Variants in SDK1 observed in about 807,000 individuals in gnomAD.
The protein encoded by SDK1 is sidekick cell adhesion molecule 1.
Under a neutral mutation model 245.5 loss-of-function variants are expected in SDK1, and 157 were observed. That is an observed-to-expected ratio of 0.64 (90% CI 0.56 to 0.73). SDK1 has a LOEUF of 0.73. Among genes scored for constraint, SDK1 ranks in the 30% least tolerant of loss-of-function variants. The pLI, the probability that SDK1 is intolerant of heterozygous loss-of-function variation, is 0.00. For synonymous variants in SDK1, 1,647 were observed against 1,278.5 expected, an observed-to-expected ratio of 1.29 and a Z score of -6.15; for missense variants, 3,583 against 3,002.3, an observed-to-expected ratio of 1.19 and a Z score of -4.52.
chr7:3,564,078 A>G (rs755912043), intron 1 of SDK1, among the ~76,000 whole-genome samples: 2 of 152,120 alleles, frequency 1.3e-5, no homozygotes, highest in Non-Finnish European at 2.9e-5. Context: ...TTAAATAAAC[A>G]TAGTTTATTA....
At chr7:4,183,204 G>C (rs1156969811) in intron 35 of SDK1, among the ~76,000 whole-genome samples, 3 of 152,184 alleles carry the variant, frequency 2.0e-5, no homozygotes, top group Non-Finnish European at 4.4e-5. Flanking sequence ...TCCATTTTCA[G>C]AATGCAAAAG....
Position 4,267,931 on chromosome 7 carries a change from A to G in SDK1, c.*2547A>G. Reference sequence around the variant, plus strand: ...GGAACAGAGCTGGATGTTTCCAGGTAGATTTTGGCCTCCCAGAGCAATGCG... The same window carrying G: ...GGAACAGAGCTGGATGTTTCCAGGTGGATTTTGGCCTCCCAGAGCAATGCG... On this transcript the variant is annotated 3_prime_UTR_variant, in exon 45 of 45. Transcript: ENST00000404826. The G allele has an allele frequency of 1.0e-6, 1 of 985,536 alleles. No individual in the cohort carries two copies. Among genetic ancestry groups the G allele is most frequent in the Non-Finnish European group, 1.2e-6 (1 of 830,002 alleles). 61.0% of individuals were successfully genotyped at this position (985,536 alleles called of 1,614,324 possible).
At chr7:3,966,574 C>G (rs1782100848) in intron 9 of SDK1, among the ~76,000 whole-genome samples, 1 of 152,096 alleles carries the variant, frequency 6.6e-6, no homozygotes, top group African/African-American at 2.4e-5. Flanking sequence ...AGAAATGTAT[C>G]TTTATGGAGG....
chr7:3,920,046 G>T (rs901861701), intron 5 of SDK1, among the ~76,000 whole-genome samples: 5 of 152,202 alleles, frequency 3.3e-5, no homozygotes, highest in South Asian at 2.1e-4. Context: ...TCAGAGGACT[G>T]GGGGAGAGGG....
chr7:3,859,866 G>A (rs995765554), intron 5 of SDK1, among the ~76,000 whole-genome samples: 2 of 152,196 alleles, frequency 1.3e-5, no homozygotes, highest in East Asian at 1.9e-4. Flanking sequence ...ATAATGACGT[G>A]TGGGGAAGAT....
intron 2 of SDK1, among the ~76,000 whole-genome samples, chr7:3,624,131 G>A (rs1204532420): frequency 6.6e-6 from 1 of 152,212 alleles, no homozygotes; most frequent in African/African-American, 2.4e-5. Context: ...AAAAATTACA[G>A]TTCCTTTGAA....
chr7:3,977,494 T>C (rs561383537), intron 13 of SDK1, among the ~76,000 whole-genome samples: 2 of 152,366 alleles, frequency 1.3e-5, no homozygotes, highest in African/African-American at 2.4e-5. Context: ...CCTTCAGGCA[T>C]TGGAGCCTAC....
intron 43 of SDK1, among the ~76,000 whole-genome samples, chr7:4,245,068 A>G (rs1437762763): frequency 6.6e-6 from 1 of 152,124 alleles, no homozygotes; most frequent in Non-Finnish European, 1.5e-5. Flanking sequence ...TCAGTCTGCC[A>G]TGTTCCACTG....
At position 3,814,532 on chromosome 7, in the gene SDK1, G is replaced by A. The variant is rs61344209; in HGVS notation, c.714-6918G>A. Among the ~76,000 whole-genome samples the A allele has an allele frequency of 6.9e-3, 1,054 of 151,932 alleles. 10 individuals are homozygous for A. The highest frequency in any genetic ancestry group is 0.024 in the African/African-American group (987 of 41,328). ...TTACTGTAGCCTTGTAGTATAGTTTGAAGTCAGGTAGTGTGATGCCTCCAG... is the reference window on the plus strand; with the variant it reads ...TTACTGTAGCCTTGTAGTATAGTTTAAAGTCAGGTAGTGTGATGCCTCCAG... On this transcript the variant is annotated intron_variant, in intron 4 of 44. Coordinates refer to ENST00000404826, the MANE Select transcript of SDK1 (RefSeq NM_152744.4).
At chr7:3,563,983 A>G (rs778662225) in intron 1 of SDK1, among the ~76,000 whole-genome samples, 1 of 152,162 alleles carries the variant, frequency 6.6e-6, no homozygotes, top group Non-Finnish European at 1.5e-5. Flanking sequence ...AAATTATGAT[A>G]TATTTAGAAC....
At chr7:3,673,200 A>C (rs1339709865) in intron 4 of SDK1, among the ~76,000 whole-genome samples, 1 of 152,194 alleles carries the variant, frequency 6.6e-6, no homozygotes, top group Non-Finnish European at 1.5e-5. Flanking sequence ...CTCATCCTAC[A>C]GACAGGATAT....
Position 3,719,201 on chromosome 7 carries a change from C to G in SDK1, c.713+77096C>G, listed in dbSNP as rs73302292. ...CTGAGAAATGGAAGAAATCAAAGAC[C>G]TAAAAAATCAGAGAGACTTTGGGGA... On this transcript the variant is annotated intron_variant, in intron 4 of 44. Coordinates refer to ENST00000404826, the MANE Select transcript of SDK1 (RefSeq NM_152744.4). Among the ~76,000 whole-genome samples the G allele has an allele frequency of 7.7e-3, 1,151 of 148,818 alleles. 14 individuals carry two copies. The highest frequency in any genetic ancestry group is 0.026 in the African/African-American group (1,073 of 40,648).
chr7:4,068,013 A>C (rs1216626052), intron 20 of SDK1, 77 bp downstream of exon 20: 3 of 1,004,552 alleles, frequency 3.0e-6, no homozygotes, highest in South Asian at 1.4e-5. Flanking sequence ...CTTCAAACCA[A>C]ACTGCTGACA....
Position 3,582,289 on chromosome 7 carries a change from T to C in SDK1, c.299-36791T>C, listed in dbSNP as rs948387724. ...GGTAGGTCTCCCTCAGGTAGGTCTG[T>C]CTCAGGTAGGTCTCCCTCAGGTAGG... On this transcript the variant is annotated intron_variant, in intron 1 of 44. Transcript: ENST00000404826. 2.5e-3 allele frequency among the ~76,000 whole-genome samples: 346 copies of C among 141,220 alleles called. 1 individual carries two copies. The highest frequency in any genetic ancestry group is 6.8e-3 in the South Asian group (29 of 4,248). 92.6% of individuals were successfully genotyped at this position (141,220 alleles called of 152,430 possible). A position where few individuals can be genotyped will look rare whatever the true frequency, so the allele number is the denominator to read the frequency against.
chr7:3,588,567 G>C (rs1245334280), intron 1 of SDK1, among the ~76,000 whole-genome samples: 2 of 152,274 alleles, frequency 1.3e-5, no homozygotes, highest in East Asian at 1.9e-4. Context: ...TGCGTTCCTA[G>C]ATTCATTGTT....
chr7:3,573,954 T>C (rs1311383389), intron 1 of SDK1, among the ~76,000 whole-genome samples: 1 of 152,102 alleles, frequency 6.6e-6, no homozygotes, highest in Non-Finnish European at 1.5e-5. Flanking sequence ...ATTTACTGAA[T>C]GCTTACTAAA....
intron 5 of SDK1, among the ~76,000 whole-genome samples, chr7:3,919,682 T>G (rs978618104): frequency 6.6e-6 from 1 of 152,192 alleles, no homozygotes; most frequent in African/African-American, 2.4e-5. Flanking sequence ...ACTGACTCCA[T>G]GTTGCTCTAC....
intron 20 of SDK1, among the ~76,000 whole-genome samples, chr7:4,069,613 C>T (rs1353967178): frequency 6.6e-6 from 1 of 152,240 alleles, no homozygotes; most frequent in Non-Finnish European, 1.5e-5. Context: ...CTTATGCTCT[C>T]TGGGTGTGTC....
At chr7:3,624,882 C>G (rs1290126649) in intron 2 of SDK1, among the ~76,000 whole-genome samples, 1 of 151,880 alleles carries the variant, frequency 6.6e-6, no homozygotes, top group Non-Finnish European at 1.5e-5. Flanking sequence ...CCCATCTCTA[C>G]TAAAAATACA....
Sources: gnomAD v4.1 joint callset for allele counts (sites outside exome capture counted in the v4.1 genomes callset) on GRCh38, gnomAD v4.1.1 for gene constraint, MANE v1.5 for transcripts, NCBI Gene and HGNC (gene_info 2026-07-23, HGNC 2026-07-21) for gene names.